The following PKHD1 variants were observed in gnomAD, a reference collection of about 807,000 sequenced individuals.
PKHD1 encodes the protein fibrocystin.
In PKHD1, 291 loss-of-function variants were observed where a neutral mutation model predicts 412.0. The ratio of observed to expected loss-of-function variants is 0.71; its 90% CI spans 0.64 to 0.78. The LOEUF is 0.78. Ranked by LOEUF, PKHD1 falls within the 30% of genes least tolerant of loss-of-function variation. The pLI, the probability that PKHD1 is intolerant of heterozygous loss-of-function variation, is 0.00. For synonymous variants in PKHD1, 1,777 were observed against 1,821.5 expected (o/e 0.98, Z 0.62); for missense variants, 4,825 against 4,950.7 (o/e 0.97, Z 0.76).
Position 52,066,041 on chromosome 6 carries a change from C to G in PKHD1, c.815G>C (p.Gly272Ala). ...TGTAATTGTGATGTTTGTTCTTCCC[C>G]CAAGGCTCCCAGTTTCTGGAAACAC... The part of the protein sequence containing the change: ...LSVFPETGSL[G>A]GRTNITITGD... Residue 272 changes from glycine to alanine, a missense_variant, in exon 12 of 67, where the codon GGG becomes GCG. By Grantham distance (60) the Gly-to-Ala change is moderately conservative. Coordinates refer to ENST00000371117, the MANE Select transcript of PKHD1 (RefSeq NM_138694.4). The G allele has an allele frequency of 6.2e-7, 1 of 1,602,030 alleles. No homozygotes were observed.
intron 55 of PKHD1, among the ~76,000 whole-genome samples, chr6:51,769,997 CAT>C (rs1030775779): frequency 8.8e-5 from 13 of 147,904 alleles, no homozygotes; most frequent in Non-Finnish European, 1.6e-4. Context: ...ATTGTGATCA[CAT>C]ATTATTATTA....
intron 26 of PKHD1, 113 bp downstream of exon 26, chr6:52,043,512 G>C: frequency 1.3e-6 from 1 of 774,260 alleles, no homozygotes; most frequent in South Asian, 1.5e-5. Flanking sequence ...CTCAACCTCT[G>C]CCTAATGAAC....
At position 51,960,006 on chromosome 6, in the gene PKHD1, G is replaced by A. The variant is rs141473212; in HGVS notation, c.5772C>T (p.Phe1924=). ...TGTGAGTCCTGGACCATCTCCGGCAGAACTGTAAAGAAAAGTTGCCCTGGA... is the reference window on the plus strand; with the variant it reads ...TGTGAGTCCTGGACCATCTCCGGCAAAACTGTAAAGAAAAGTTGCCCTGGA... The part of the protein sequence containing the change: ...QNTQGNFSLQ[F]CRRWSRTHSW... The change falls in exon 36 of 67, where the codon TTC becomes TTT. Residue 1924 remains phenylalanine, a synonymous_variant. Coordinates refer to ENST00000371117, the MANE Select transcript of PKHD1 (RefSeq NM_138694.4). 2.8e-5 allele frequency: 45 copies of A among 1,613,418 alleles called. No individual in the cohort carries two copies. The African/African-American group carries it at 4.7e-4, about 17-fold the overall frequency.
chr6:51,866,411 C>T (rs1775068975), intron 48 of PKHD1, among the ~76,000 whole-genome samples: 3 of 152,138 alleles, frequency 2.0e-5, no homozygotes. Context: ...ATCAGTATTA[C>T]ATTTTTCTTG....
chr6:51,760,632 G>C (rs990475993), intron 55 of PKHD1, among the ~76,000 whole-genome samples: 5 of 152,070 alleles, frequency 3.3e-5, no homozygotes, highest in African/African-American at 1.2e-4. Flanking sequence ...AAAAGTTGTT[G>C]TAGAGAGCCA....
At chr6:51,850,519 C>T (rs566148161) in intron 49 of PKHD1, among the ~76,000 whole-genome samples, 42 of 152,324 alleles carry the variant, frequency 2.8e-4, no homozygotes, top group Middle Eastern at 3.4e-3. Flanking sequence ...TTCTTCCTAT[C>T]CATGAGCGTG....
At chr6:51,692,502 T>C (rs1406454489) in intron 60 of PKHD1, among the ~76,000 whole-genome samples, 2 of 152,188 alleles carry the variant, frequency 1.3e-5, no homozygotes, top group Non-Finnish European at 2.9e-5. Flanking sequence ...CTTTTAAAAA[T>C]ATTCACTCTT....
At chr6:51,901,653 T>G (rs1322558360) in intron 43 of PKHD1, among the ~76,000 whole-genome samples, 2 of 137,046 alleles carry the variant, frequency 1.5e-5, no homozygotes, top group African/African-American at 5.5e-5. Flanking sequence ...TCATGTACCC[T>G]AAAACTTAAA....
At chr6:51,940,512 T>C (rs1329399745) in intron 36 of PKHD1, among the ~76,000 whole-genome samples, 1 of 151,684 alleles carries the variant, frequency 6.6e-6, no homozygotes, top group Non-Finnish European at 1.5e-5. Flanking sequence ...GGATTCCTCC[T>C]AAGCCATGCC....
At chr6:51,775,995 A>T in intron 53 of PKHD1, 74 bp from the exon 54 acceptor site, 2 of 765,128 alleles carry the variant, frequency 2.6e-6, no homozygotes, top group Non-Finnish European at 4.7e-6. Flanking sequence ...TTGCAGTATA[A>T]TTTCAATAAT....
chr6:51,746,447 C>G (rs188367821), intron 59 of PKHD1, among the ~76,000 whole-genome samples: 3 of 152,182 alleles, frequency 2.0e-5, no homozygotes, highest in Non-Finnish European at 4.4e-5. Context: ...CTGCCTCTTT[C>G]ATCAGCTAAA....
intron 37 of PKHD1, among the ~76,000 whole-genome samples, chr6:51,930,436 C>T (rs1045054151): frequency 1.3e-5 from 2 of 152,146 alleles, no homozygotes; most frequent in African/African-American, 4.8e-5. Flanking sequence ...GGGACTTTTC[C>T]TACATTCAAA....
chr6:51,773,131 TG>T (rs1790430754), intron 54 of PKHD1, among the ~76,000 whole-genome samples: 2 of 152,052 alleles, frequency 1.3e-5, no homozygotes. Context: ...GCAATTCTTT[TG>T]GAAGTTAACC....
In PKHD1 at chr6:51,803,713, A is replaced by AT. The variant is rs111250611; in HGVS notation, c.8303-12341dup. The stretch of plus-strand genomic sequence containing the variant: ...GGCTCCTACTTCACATAGAGAAGAA[A>AT]TTTTTTTTTTGAGACAGAGTTTCAC... On this transcript the variant is annotated intron_variant, in intron 52 of 66. Coordinates refer to ENST00000371117, the MANE Select transcript of PKHD1 (RefSeq NM_138694.4). 3.7e-3 allele frequency among the ~76,000 whole-genome samples: 557 copies of AT among 150,468 alleles called. 26 individuals carry two copies. The highest frequency in any genetic ancestry group is 0.013 in the African/African-American group (517 of 40,516).
intron 60 of PKHD1, among the ~76,000 whole-genome samples, chr6:51,743,479 T>C (rs1052677889): frequency 2.6e-5 from 4 of 152,160 alleles, no homozygotes; most frequent in African/African-American, 9.7e-5. Context: ...ATGTCTACTA[T>C]CTTTCCAAGT....
At chr6:52,010,087 GA>G (rs1799611983) in intron 35 of PKHD1, among the ~76,000 whole-genome samples, 1 of 152,030 alleles carries the variant, frequency 6.6e-6, no homozygotes, top group South Asian at 2.1e-4. Context: ...AATTTGCTTT[GA>G]AAGAGCCCGG....
In PKHD1 at chr6:52,079,935, G is replaced by C; in HGVS notation, c.355C>G (p.Pro119Ala). Residue 119 changes from proline (P) to alanine (A), a missense_variant, in exon 5 of 67, where the codon CCA (proline) becomes GCA (alanine). Coordinates refer to ENST00000371117, the MANE Select transcript of PKHD1 (RefSeq NM_138694.4). ...CAGCTATCTCGTGGTCCTGGATTTG[G>C]ACTGCTTACCAGCTGTCCCCCGAAG... is the stretch of plus-strand genomic sequence containing the variant. ...AYFGGQLVSS[P>A]NPGPRDSCTF... 6.2e-7 allele frequency: 1 copy of C among 1,610,252 alleles called. No individual in the cohort carries two copies. The highest frequency in any genetic ancestry group is 8.5e-7 in the Non-Finnish European group (1 of 1,176,578).
chr6:52,069,147 G>C (rs1038003070), intron 11 of PKHD1, among the ~76,000 whole-genome samples: 7 of 152,188 alleles, frequency 4.6e-5, no homozygotes, highest in African/African-American at 1.7e-4. Flanking sequence ...TGTGCTTTAA[G>C]ACTTTTTAAG....
chr6:51,679,824 C>T (rs1776391088), intron 60 of PKHD1, among the ~76,000 whole-genome samples: 1 of 152,020 alleles, frequency 6.6e-6, no homozygotes, highest in African/African-American at 2.4e-5. Flanking sequence ...AGGAAATTAG[C>T]ATTTTCTCTG....
Sources: allele counts gnomAD v4.1 joint callset (sites outside exome capture counted in the v4.1 genomes callset), GRCh38; gene constraint gnomAD v4.1.1; transcripts MANE v1.5; gene names NCBI Gene and HGNC (gene_info 2026-07-23, HGNC 2026-07-21).